Variants in PDE1A observed in about 807,000 individuals in gnomAD.
PDE1A encodes phosphodiesterase 1A, also known as dual specificity calcium/calmodulin-dependent 3',5'-cyclic nucleotide phosphodiesterase 1A.
Under a neutral mutation model 61.7 loss-of-function variants are expected in PDE1A, and 35 were observed. The observed-to-expected ratio is 0.57, with a 90% confidence interval of 0.43 to 0.75. PDE1A has a LOEUF of 0.75. Ranked by LOEUF, PDE1A falls within the 30% of genes least tolerant of loss-of-function variation. The pLI, the probability that PDE1A is intolerant of heterozygous loss-of-function variation, is 0.00. For synonymous variants in PDE1A, 232 were observed against 213.2 expected, an observed-to-expected ratio of 1.09 and a Z score of -0.77; for missense variants, 597 against 630.6, an observed-to-expected ratio of 0.95 and a Z score of 0.57.
At chr2:182,400,622 C>A (rs2125444869) in intron 1 of PDE1A, among the ~76,000 whole-genome samples, 1 of 152,150 alleles carries the variant, frequency 6.6e-6, no homozygotes. Flanking sequence ...ACTAAGGGAT[C>A]AAGCATAACT....
chr2:182,268,371 A>C (rs768047412), intron 1 of PDE1A, among the ~76,000 whole-genome samples: 72 of 152,198 alleles, frequency 4.7e-4, no homozygotes, highest in Admixed American at 1.3e-3. Flanking sequence ...ATAAATATCT[A>C]TATATAGATA....
rs561460836 is a variant in PDE1A, at chr2:182,381,367, G to C, written c.53+45211C>G. ...ATTCACTGTTGGGATATCTAATTAG[G>C]CCAAAATGTGATTTAGAATAGTTGC... is the stretch of plus-strand genomic sequence containing the variant. On this transcript the variant is annotated intron_variant, in intron 1 of 13. Coordinates refer to ENST00000351439, the Ensembl canonical transcript of PDE1A. Among the ~76,000 whole-genome samples the C allele has an allele frequency of 1.8e-4, 28 of 152,192 alleles. No individual in the cohort carries two copies. In the South Asian group the frequency reaches 5.6e-3, roughly 30 times the overall value.
At chr2:182,471,224 TA>T (rs1687009787) in intron 2 of PDE1A, among the ~76,000 whole-genome samples, 1 of 151,762 alleles carries the variant, frequency 6.6e-6, no homozygotes, top group Non-Finnish European at 1.5e-5. Flanking sequence ...TACATTTCAA[TA>T]ACTGTTTATT....
At chr2:182,502,970 A>G (rs1689171954) in intron 2 of PDE1A, among the ~76,000 whole-genome samples, 1 of 151,548 alleles carries the variant, frequency 6.6e-6, no homozygotes, top group Non-Finnish European at 1.5e-5. Flanking sequence ...GGTTTCAGGT[A>G]AGGAACTGTA....
intron 2 of PDE1A, among the ~76,000 whole-genome samples, chr2:182,466,134 C>T (rs958715990): frequency 4.0e-5 from 6 of 151,704 alleles, no homozygotes; most frequent in African/African-American, 7.3e-5. Context: ...TAAATGCATA[C>T]GTTTCTCTTT....
the PDE1A span, among the ~76,000 whole-genome samples, chr2:182,649,672 G>A: frequency 1.1e-4 from 16 of 151,544 alleles, no homozygotes; most frequent in African/African-American, 3.2e-4. Context: ...TTGCAGGGGC[G>A]CAATCTCAGT....
intron 1 of PDE1A, among the ~76,000 whole-genome samples, chr2:182,302,214 A>G (rs1043922107): frequency 6.6e-6 from 1 of 152,114 alleles, no homozygotes; most frequent in Non-Finnish European, 1.5e-5. Context: ...TCTTTATCTG[A>G]CTTTTTTCTC....
chr2:182,641,792 A>G, the PDE1A span, among the ~76,000 whole-genome samples: 7 of 152,334 alleles, frequency 4.6e-5, no homozygotes, highest in African/African-American at 1.7e-4. Context: ...CAGGATAATC[A>G]TTTGGAAATT....
At chr2:182,233,535 C>G (rs1208334213) in intron 4 of PDE1A, among the ~76,000 whole-genome samples, 1 of 151,872 alleles carries the variant, frequency 6.6e-6, no homozygotes, top group African/African-American at 2.4e-5. Context: ...AAAGAAGATG[C>G]TTAAAATTTT....
At chr2:182,677,984 T>G in the PDE1A span, among the ~76,000 whole-genome samples, 48 of 152,324 alleles carry the variant, frequency 3.2e-4, no homozygotes, top group African/African-American at 1.2e-3. Context: ...GAAACTTTCT[T>G]AATATATCGC....
At chr2:182,250,698 TG>T (rs1161532729) in intron 2 of PDE1A, among the ~76,000 whole-genome samples, 1 of 152,016 alleles carries the variant, frequency 6.6e-6, no homozygotes, top group Non-Finnish European at 1.5e-5. Context: ...AACTTTTGGG[TG>T]GAGAAGTCAG....
chr2:182,273,220 G>T (rs1693160619), intron 1 of PDE1A, among the ~76,000 whole-genome samples: 1 of 152,044 alleles, frequency 6.6e-6, no homozygotes, highest in Non-Finnish European at 1.5e-5. Context: ...CCCTATTTAA[G>T]TAAAATGTCC....
intron 1 of PDE1A, among the ~76,000 whole-genome samples, chr2:182,397,313 GA>G (rs1332886153): frequency 6.6e-6 from 1 of 151,996 alleles, no homozygotes; most frequent in East Asian, 1.9e-4. Context: ...CTTGTAGGTC[GA>G]AAACAGTTCA....
intron 1 of PDE1A, among the ~76,000 whole-genome samples, chr2:182,376,867 G>A (rs1483018959): frequency 6.6e-5 from 10 of 152,198 alleles, no homozygotes; most frequent in Admixed American, 5.9e-4. Flanking sequence ...CAGGCAAAGA[G>A]AGAATGAGAA....
At chr2:182,550,407 T>G in the PDE1A span, among the ~76,000 whole-genome samples, 1 of 152,132 alleles carries the variant, frequency 6.6e-6, no homozygotes, top group Admixed American at 6.5e-5. Context: ...TGGGCAACTA[T>G]TATACTTCTC....
chr2:182,220,398 G>A (rs533346877), intron 7 of PDE1A, among the ~76,000 whole-genome samples: 2 of 152,058 alleles, frequency 1.3e-5, no homozygotes, highest in Non-Finnish European at 2.9e-5. Flanking sequence ...GTTATTACAT[G>A]ATATGGCTCC....
the PDE1A span, among the ~76,000 whole-genome samples, chr2:182,559,138 T>A: frequency 8.7e-4 from 133 of 152,264 alleles, no homozygotes; most frequent in African/African-American, 3.0e-3. Flanking sequence ...ATCAGTTTTT[T>A]AAAAAACCAT....
At chr2:182,562,583 G>A in the PDE1A span, among the ~76,000 whole-genome samples, 15 of 152,212 alleles carry the variant, frequency 9.9e-5, no homozygotes, top group South Asian at 2.1e-4. Flanking sequence ...ATGAGTTAGC[G>A]AGGATTCCCT....
intron 1 of PDE1A, among the ~76,000 whole-genome samples, chr2:182,355,466 TAA>T (rs1168245112): frequency 1.3e-5 from 2 of 151,980 alleles, no homozygotes; most frequent in African/African-American, 4.8e-5. Flanking sequence ...AAAATAAACC[TAA>T]GTTTGAAGAT....
Sources: allele counts gnomAD v4.1 joint callset (sites outside exome capture counted in the v4.1 genomes callset), GRCh38; gene constraint gnomAD v4.1.1; transcripts MANE v1.5; gene names NCBI Gene and HGNC (gene_info 2026-07-23, HGNC 2026-07-21).